Variants in KLF15 observed in about 807,000 individuals in gnomAD.
KLF15 encodes KLF transcription factor 15.
Under a neutral mutation model 24.6 loss-of-function variants are expected in KLF15, and 4 were observed. The ratio of observed to expected loss-of-function variants is 0.16; its 90% CI spans 0.08 to 0.37. The LOEUF (loss-of-function observed/expected upper bound fraction) is 0.37, where lower values mean the gene tolerates loss of function less well. Among genes scored for constraint, KLF15 ranks in the 10% least tolerant of loss-of-function variants. KLF15 has a pLI of 1.00. For missense variants in KLF15, 496 were observed against 560.6 expected (o/e 0.88, Z 1.16); for synonymous variants, 246 against 236.3 (o/e 1.04, Z -0.37).
the KLF15 span, among the ~76,000 whole-genome samples, chr3:126,289,449 C>G: frequency 1.3e-5 from 2 of 152,138 alleles, no homozygotes; most frequent in Non-Finnish European, 2.9e-5. Context: ...GTTGCATAAA[C>G]ATGTCTTTCC....
intron 2 of KLF15, among the ~76,000 whole-genome samples, chr3:126,347,886 G>C (rs2082547567): frequency 6.6e-6 from 1 of 152,202 alleles, no homozygotes; most frequent in African/African-American, 2.4e-5. Flanking sequence ...GGCCTGAGGG[G>C]CCCTGGCTTG....
chr3:126,301,610 C>CTT, the KLF15 span, among the ~76,000 whole-genome samples: 113 of 132,276 alleles, frequency 8.5e-4, 2 homozygotes, highest in Admixed American at 2.7e-3. Context: ...TTTTCTTTTT[C>CTT]TTTTTTTTTT....
chr3:126,354,212 G>A (rs2082612483), intron 1 of KLF15: 1 of 152,328 alleles, frequency 6.6e-6, no homozygotes, highest in Admixed American at 6.5e-5. Context: ...ATAGTGTCCA[G>A]CTGTGACGGG....
chr3:126,338,704 C>G (rs1263958185), downstream of KLF15, among the ~76,000 whole-genome samples: 1 of 152,218 alleles, frequency 6.6e-6, no homozygotes, highest in East Asian at 1.9e-4. Flanking sequence ...AACACATTTG[C>G]AATGATTTAG....
chr3:126,311,900 A>C, the KLF15 span, among the ~76,000 whole-genome samples: 3 of 152,174 alleles, frequency 2.0e-5, no homozygotes, highest in African/African-American at 4.8e-5. Context: ...CACTGGTCTG[A>C]CCAGTTGGCT....
chr3:126,295,533 C>T, the KLF15 span, among the ~76,000 whole-genome samples: 66,809 of 151,960 alleles, frequency 0.44, 14,884 homozygotes, highest in Admixed American at 0.49. Context: ...CATCCACATT[C>T]GTATCCCGAG....
At chr3:126,294,864 T>TACACACACACACACACAC in the KLF15 span, among the ~76,000 whole-genome samples, 1 of 141,858 alleles carries the variant, frequency 7.0e-6, no homozygotes, top group Non-Finnish European at 1.6e-5. Flanking sequence ...TGCCCCTCCA[T>TACACACACACACACACAC]ACACACACAC....
At chr3:126,351,765 G>A in intron 2 of KLF15, 76 bp downstream of exon 2, 1 of 782,740 alleles carries the variant, frequency 1.3e-6, no homozygotes, top group Non-Finnish European at 1.9e-6. Context: ...GGTGGAAAAT[G>A]GCCCTGCTGC....
the KLF15 span, among the ~76,000 whole-genome samples, chr3:126,293,241 G>T: frequency 6.6e-6 from 1 of 152,110 alleles, no homozygotes; most frequent in South Asian, 2.1e-4. Flanking sequence ...CTTGAGCTGG[G>T]TATGTTGAGG....
downstream of KLF15, among the ~76,000 whole-genome samples, chr3:126,341,100 G>T (rs1576579903): frequency 6.6e-6 from 1 of 152,288 alleles, no homozygotes; most frequent in Non-Finnish European, 1.5e-5. Flanking sequence ...CATTATCCCT[G>T]TTCCCTGCAC....
the KLF15 span, among the ~76,000 whole-genome samples, chr3:126,301,977 C>T: frequency 1.3e-5 from 2 of 151,908 alleles, no homozygotes; most frequent in Admixed American, 1.3e-4. Context: ...AAACTAAGGA[C>T]ATTGATTTGA....
the KLF15 span, among the ~76,000 whole-genome samples, chr3:126,323,434 TAACA>T: frequency 1.6e-3 from 94 of 57,610 alleles, 2 homozygotes; most frequent in African/African-American, 5.4e-3. Flanking sequence ...TATATATATA[TAACA>T]TATATATGTT....
chr3:126,325,019 C>A, the KLF15 span, among the ~76,000 whole-genome samples: 4 of 96,680 alleles, frequency 4.1e-5, no homozygotes, highest in Non-Finnish European at 5.9e-5. Flanking sequence ...TCCATGTGAT[C>A]TCATTGTTCA....
rs1423880818 is a variant in KLF15, at chr3:126,356,095, T to A, written c.-26+1142A>T. 2.0e-5 allele frequency among the ~76,000 whole-genome samples: 3 copies of A among 151,978 alleles called. No individual in the cohort carries two copies. Among genetic ancestry groups the A allele is most frequent in the Non-Finnish European group, 4.4e-5 (3 of 67,974 alleles). ...GGACACAGCGGCTGCAGGAACAACA[T>A]GTAATTGATAACAAGCCCAGCGCCG... On this transcript the variant is annotated intron_variant, in intron 1 of 2. Transcript: ENST00000296233. The surrounding 1 kb of genome is among the most constrained non-coding windows in gnomAD (Gnocchi z 4.4).
At chr3:126,312,906 G>C in the KLF15 span, among the ~76,000 whole-genome samples, 1 of 152,112 alleles carries the variant, frequency 6.6e-6, no homozygotes, top group Non-Finnish European at 1.5e-5. Context: ...TCATGTTCAC[G>C]TGGCATTCTC....
chr3:126,329,967 G>A, the KLF15 span, among the ~76,000 whole-genome samples: 3 of 151,934 alleles, frequency 2.0e-5, no homozygotes, highest in Non-Finnish European at 2.9e-5. Context: ...CTCAGTGATG[G>A]CCCCTCATTC....
At position 126,343,656 on chromosome 3, in the gene KLF15, A is replaced by C; in HGVS notation, c.*71T>G. On this transcript the variant is annotated 3_prime_UTR_variant, in exon 3 of 3. Coordinates refer to ENST00000296233, the MANE Select transcript of KLF15 (RefSeq NM_014079.4). ...CATGTCCCTCTGGAGGAGGCAAATA[A>C]ATTATTGCTTAAAAAAATGGGGATG... 6.7e-7 allele frequency: 1 copy of C among 1,483,110 alleles called. No homozygotes were observed. Among genetic ancestry groups the C allele is most frequent in the Non-Finnish European group, 9.2e-7 (1 of 1,088,098 alleles). The allele number at this position is 1,483,110 out of a possible 1,614,324, so 91.9% of individuals were successfully genotyped here. A position where few individuals can be genotyped will look rare whatever the true frequency, so the allele number is the denominator to read the frequency against.
At chr3:126,309,627 A>G in the KLF15 span, among the ~76,000 whole-genome samples, 1 of 152,240 alleles carries the variant, frequency 6.6e-6, no homozygotes, top group Non-Finnish European at 1.5e-5. Context: ...CTCCCTAGCA[A>G]GGAGCACTGC....
the KLF15 span, among the ~76,000 whole-genome samples, chr3:126,331,288 G>C: frequency 6.6e-6 from 1 of 152,216 alleles, no homozygotes; most frequent in African/African-American, 2.4e-5. Flanking sequence ...GCACTCCAGT[G>C]ATTAGCTTCC....
Sources: allele counts gnomAD v4.1 joint callset (sites outside exome capture counted in the v4.1 genomes callset), GRCh38; gene constraint gnomAD v4.1.1; non-coding constraint Gnocchi (gnomAD v3.1); transcripts MANE v1.5; gene names NCBI Gene and HGNC (gene_info 2026-07-23, HGNC 2026-07-21).